Variants in SCP2 observed in about 807,000 individuals in gnomAD.
SCP2 encodes SCP-2/3-oxoacyl-CoA thiolase.
Under a neutral mutation model 71.4 loss-of-function variants are expected in SCP2, and 48 were observed. That is an observed-to-expected ratio of 0.67 (90% CI 0.53 to 0.86). The LOEUF is 0.86. Among genes scored for constraint, SCP2 ranks in the 40% least tolerant of loss-of-function variants. The pLI is 0.00. For synonymous variants in SCP2, 220 were observed against 218.1 expected, an observed-to-expected ratio of 1.01 and a Z score of -0.08; for missense variants, 560 against 655.6, an observed-to-expected ratio of 0.85 and a Z score of 1.59.
chr1:53,041,708 T>C (rs1456660356), intron 14 of SCP2, among the ~76,000 whole-genome samples: 1 of 151,942 alleles, frequency 6.6e-6, no homozygotes, highest in African/African-American at 2.4e-5. Flanking sequence ...ATACTGGAGG[T>C]GAAGGTAATG....
At chr1:52,967,665 T>C (rs1409555346) in intron 6 of SCP2, among the ~76,000 whole-genome samples, 2 of 151,992 alleles carry the variant, frequency 1.3e-5, no homozygotes, top group African/African-American at 4.8e-5. Context: ...AAAAGATCTG[T>C]TTTGAAAGAA....
At chr1:53,008,972 C>T (rs1660812020) in intron 11 of SCP2, among the ~76,000 whole-genome samples, 1 of 152,100 alleles carries the variant, frequency 6.6e-6, no homozygotes, top group African/African-American at 2.4e-5. Context: ...CACAAGCATT[C>T]CTATACACCA....
intron 12 of SCP2, among the ~76,000 whole-genome samples, chr1:53,020,232 T>G (rs2150234821): frequency 6.6e-6 from 1 of 152,164 alleles, no homozygotes; most frequent in African/African-American, 2.4e-5. Flanking sequence ...TAATCAACTT[T>G]TTGATCACAC....
intron 4 of SCP2, among the ~76,000 whole-genome samples, chr1:52,951,294 C>CA (rs1169692249): frequency 1.3e-5 from 2 of 149,904 alleles, no homozygotes; most frequent in African/African-American, 4.9e-5. Flanking sequence ...AAAAGCCCCC[C>CA]AAAAAACAAA....
At chr1:52,983,493 CTG>C in intron 10 of SCP2, among the ~76,000 whole-genome samples, 1 of 152,304 alleles carries the variant, frequency 6.6e-6, no homozygotes, top group East Asian at 1.9e-4. Flanking sequence ...GTCCCTGAAA[CTG>C]TTCACTTTGA....
chr1:52,928,163 T>C (rs1652703842), intron 1 of SCP2, among the ~76,000 whole-genome samples: 1 of 152,254 alleles, frequency 6.6e-6, no homozygotes, highest in South Asian at 2.1e-4. Flanking sequence ...CGGATCCTCC[T>C]GACTTTCCCC....
In SCP2 at chr1:52,961,066, C is replaced by CTT. The variant is rs774047289; in HGVS notation, c.397-415_397-414dup. On this transcript the variant is annotated intron_variant, in intron 5 of 15. Coordinates refer to ENST00000371514, the MANE Select transcript of SCP2 (RefSeq NM_002979.5). ...CACGCCCAGCCTATTTCCTTTGGTT[C>CTT]TTTTTTTTTTTTTTTTTTTTTTTAA... Among the ~76,000 whole-genome samples the CTT allele has an allele frequency of 3.6e-3, 328 of 92,172 alleles. 1 individual carries two copies. The highest frequency in any genetic ancestry group is 7.0e-3 in the South Asian group (18 of 2,578). The allele number at this position is 92,172 out of a possible 152,430, so 60.5% of individuals were successfully genotyped here.
At chr1:52,994,753 T>C in intron 11 of SCP2, 3 of 687,308 alleles carry the variant, frequency 4.4e-6, no homozygotes, top group Non-Finnish European at 7.2e-6. Flanking sequence ...CATCCAGGCC[T>C]GTCAGTGTGG....
intron 12 of SCP2, among the ~76,000 whole-genome samples, chr1:53,020,071 G>C (rs1031931538): frequency 2.0e-5 from 3 of 152,030 alleles, no homozygotes; most frequent in Non-Finnish European, 4.4e-5. Flanking sequence ...ATTTTTAGTA[G>C]AGACGGAGTT....
chr1:52,954,632 G>A (rs779808129), intron 4 of SCP2, 108 bp from the exon 5 acceptor site: 41 of 921,322 alleles, frequency 4.5e-5, no homozygotes, highest in Admixed American at 7.0e-5. Flanking sequence ...CTATAAGTTC[G>A]AGCCATTGTG....
intron 12 of SCP2, among the ~76,000 whole-genome samples, chr1:53,016,105 T>C (rs1661321588): frequency 6.6e-6 from 1 of 152,158 alleles, no homozygotes; most frequent in Admixed American, 6.5e-5. Context: ...TTGTTGCATA[T>C]GTATACATGG....
rs1205140768 is a variant in SCP2 at position 52,928,796 on chromosome 1, G to A, written c.69+1331G>A. 3 of 154,480 alleles carry A rather than the reference G, an allele frequency of 1.9e-5. No homozygotes were observed. In the East Asian group the frequency reaches 5.8e-4, roughly 30 times the overall value. 9.6% of individuals were successfully genotyped at this position (154,480 alleles called of 1,614,324 possible). On this transcript the variant is annotated intron_variant, in intron 1 of 15. Coordinates refer to ENST00000371514, the MANE Select transcript of SCP2 (RefSeq NM_002979.5). ...TCAACAAAAACAAAAAATATCCATG[G>A]AAATGGAAAAGTGGACCAATACCTT...
At chr1:52,934,988 G>A (rs1363458464) in intron 1 of SCP2, 1 of 149,262 alleles carries the variant, frequency 6.7e-6, no homozygotes, top group Non-Finnish European at 1.5e-5. Flanking sequence ...CGTCGGCCCG[G>A]GAGCGGTGGC....
At chr1:53,023,265 A>G (rs75226586) in intron 12 of SCP2, among the ~76,000 whole-genome samples, 2,786 of 152,340 alleles carry the variant, frequency 0.018, 84 homozygotes, top group African/African-American at 0.063. Context: ...CTTTGGGAAC[A>G]TGCAAGATGT....
chr1:53,046,682 T>G (rs75448253), intron 14 of SCP2, among the ~76,000 whole-genome samples: 5,700 of 152,282 alleles, frequency 0.037, 226 homozygotes, highest in East Asian at 0.21. Flanking sequence ...CTGTTTAAAA[T>G]AATTTTATTG....
At chr1:52,946,824 A>G (rs1280789558) in intron 2 of SCP2, among the ~76,000 whole-genome samples, 2 of 151,354 alleles carry the variant, frequency 1.3e-5, no homozygotes, top group Non-Finnish European at 2.9e-5. Flanking sequence ...TGGGAGGCCA[A>G]GGGAGGTGGA....
At chr1:52,930,937 A>G (rs1464526005) in intron 1 of SCP2, among the ~76,000 whole-genome samples, 1 of 152,216 alleles carries the variant, frequency 6.6e-6, no homozygotes, top group African/African-American at 2.4e-5. Flanking sequence ...AGAGATGCAA[A>G]AATGAAAAAA....
intron 11 of SCP2, chr1:52,993,154 G>A: frequency 6.3e-7 from 1 of 1,591,708 alleles, no homozygotes; most frequent in Admixed American, 1.7e-5. Context: ...AAGAGAAGAT[G>A]AGGGCTTTTC....
chr1:52,927,298 G>C lies in SCP2; in HGVS notation c.-99G>C, dbSNP rs1005429552. 6.1e-6 allele frequency: 6 copies of C among 979,164 alleles called. No homozygotes were observed. Among genetic ancestry groups the C allele is most frequent in the East Asian group, 3.1e-5 (1 of 32,464 alleles). The allele number at this position is 979,164 out of a possible 1,614,324, so 60.7% of individuals were successfully genotyped here. A position where few individuals can be genotyped will look rare whatever the true frequency, so the allele number is the denominator to read the frequency against. On this transcript the variant is annotated 5_prime_UTR_variant, in exon 1 of 16. Coordinates refer to ENST00000371514, the MANE Select transcript of SCP2 (RefSeq NM_002979.5). The stretch of plus-strand genomic sequence containing the variant: ...CTCACGCGCCTGTGTTGCCGCCCGC[G>C]GCCCTGGCTTCGGGCTTCAGGGAGC...
Sources: gnomAD v4.1 joint callset for allele counts (sites outside exome capture counted in the v4.1 genomes callset) on GRCh38, gnomAD v4.1.1 for gene constraint, MANE v1.5 for transcripts, NCBI Gene and HGNC (gene_info 2026-07-23, HGNC 2026-07-21) for gene names.